Variants in CCDC110 observed in about 807,000 individuals in gnomAD.
The protein encoded by CCDC110 is coiled-coil domain containing 110.
A neutral mutation model predicts 77.1 loss-of-function variants in CCDC110; 70 were observed. The ratio of observed to expected loss-of-function variants is 0.91; its 90% confidence interval spans 0.75 to 1.11. CCDC110 has a LOEUF of 1.11. CCDC110 is among the 50% of genes least tolerant of loss of function. The pLI, the probability that CCDC110 is intolerant of heterozygous loss-of-function variation, is 0.00. For missense variants in CCDC110, 868 were observed against 942.9 expected (o/e 0.92, Z 1.04); for synonymous variants, 295 against 312.5 (o/e 0.94, Z 0.59).
chr4:185,453,813 AT>A (rs58603614), intron 6 of CCDC110, among the ~76,000 whole-genome samples: 75,388 of 126,060 alleles, frequency 0.6, 21,566 homozygotes, highest in East Asian at 0.77. Flanking sequence ...TCTCGTTGCT[AT>A]TTTTTTTTTT....
intron 2 of CCDC110, among the ~76,000 whole-genome samples, chr4:185,465,119 C>T (rs1348873304): frequency 6.6e-6 from 1 of 152,172 alleles, no homozygotes; most frequent in Non-Finnish European, 1.5e-5. Flanking sequence ...AATTTCCACA[C>T]AGCTCTTTAT....
At chr4:185,460,678 G>A (rs1244567549) in intron 5 of CCDC110, among the ~76,000 whole-genome samples, 3 of 152,118 alleles carry the variant, frequency 2.0e-5, no homozygotes, top group East Asian at 3.9e-4. Context: ...GTGTGAGTTC[G>A]AGTCAGTGTG....
chr4:185,453,218 A>T (rs1561153941), intron 6 of CCDC110, among the ~76,000 whole-genome samples: 5 of 152,098 alleles, frequency 3.3e-5, no homozygotes, highest in Non-Finnish European at 7.4e-5. Context: ...CAAACAAACT[A>T]AAACAAAACA....
chr4:185,449,444 G>A (rs1192219150), intron 6 of CCDC110, among the ~76,000 whole-genome samples: 1 of 151,980 alleles, frequency 6.6e-6, no homozygotes, highest in East Asian at 1.9e-4. Flanking sequence ...TTGCCTAAAA[G>A]CCTAGGAGGT....
chr4:185,462,690 C>A lies in CCDC110; in HGVS notation c.190G>T (p.Glu64Ter), dbSNP rs1389887283. The change falls in exon 4 of 7, where the codon GAA becomes TAA. Residue 64 changes from glutamate to a stop codon, truncating the protein, a stop_gained. Transcript: ENST00000307588. LOFTEE classifies it high-confidence loss of function. ...SALKVLQQQLESFQALRMQTL... is the reference protein window; with the variant it reads ...SALKVLQQQL ...TGCATTCGCAAAGCCTGAAATGATT[C>A]CAACTGCTGCTGAAGGACCTATGAC... 1 of 1,613,894 alleles carries A rather than the reference C, an allele frequency of 6.2e-7. No homozygotes were observed. The highest frequency in any genetic ancestry group is 2.2e-5 in the East Asian group (1 of 44,868).
chr4:185,457,799 C>T (rs1296863379), intron 6 of CCDC110: 1 of 1,434,314 alleles, frequency 7.0e-7, no homozygotes, highest in South Asian at 1.4e-5. Context: ...GCAAATGATA[C>T]AGTTTACTTG....
intron 4 of CCDC110, among the ~76,000 whole-genome samples, chr4:185,462,262 G>GT (rs1450919777): frequency 6.6e-6 from 1 of 152,182 alleles, no homozygotes; most frequent in Non-Finnish European, 1.5e-5. Flanking sequence ...ACCTGATCAT[G>GT]TGGACTCAGC....
At chr4:185,466,573 T>A (rs960144441) in intron 2 of CCDC110, among the ~76,000 whole-genome samples, 7 of 149,948 alleles carry the variant, frequency 4.7e-5, no homozygotes, top group Non-Finnish European at 1.0e-4. Context: ...CAAGAGGGAT[T>A]TTTTTTCTTT....
chr4:185,466,024 C>G (rs1279079021), intron 2 of CCDC110, among the ~76,000 whole-genome samples: 1 of 152,016 alleles, frequency 6.6e-6, no homozygotes, highest in Non-Finnish European at 1.5e-5. Context: ...AAGAGATATC[C>G]AATAGTCAGG....
At chr4:185,445,591 A>G (rs753316310) in intron 6 of CCDC110, 49 bp from the exon 7 acceptor site, 4 of 1,169,330 alleles carry the variant, frequency 3.4e-6, no homozygotes, top group East Asian at 4.8e-5. Flanking sequence ...CAACATAACT[A>G]TAATGCTTTG....
intron 2 of CCDC110, among the ~76,000 whole-genome samples, chr4:185,469,561 T>G (rs2095662106): frequency 6.6e-6 from 1 of 152,242 alleles, no homozygotes; most frequent in Non-Finnish European, 1.5e-5. Context: ...CGGAGCTACC[T>G]CAATGTCTCA....
chr4:185,453,263 A>G lies in CCDC110; in HGVS notation c.2461+4863T>C, dbSNP rs115856492. ...AAAAACAACCACTAGATCATTATCC[A>G]TCAAATAATTTGTTGTAAATAAGTT... On this transcript the variant is annotated intron_variant, in intron 6 of 6. Transcript: ENST00000307588. Among the ~76,000 whole-genome samples, 1,354 of 152,310 alleles carry G rather than the reference A, an allele frequency of 8.9e-3. 23 individuals are homozygous for G. The highest frequency in any genetic ancestry group is 0.031 in the African/African-American group (1,287 of 41,572).
rs1331011620 is a variant in CCDC110, at chr4:185,450,507, G to C, written c.2462-4965C>G. 2.0e-5 allele frequency among the ~76,000 whole-genome samples: 3 copies of C among 152,194 alleles called. No individual in the cohort carries two copies. The East Asian group carries it at 5.8e-4, about 29-fold the overall frequency. On this transcript the variant is annotated intron_variant, in intron 6 of 6. Coordinates refer to ENST00000307588, the MANE Select transcript of CCDC110 (RefSeq NM_152775.4). The stretch of plus-strand genomic sequence containing the variant: ...CTCACGCCTGAAATCCCAGCACTTT[G>C]GGAGGCTGAGTCGGGTGGATCACAA...
At chr4:185,448,821 T>G (rs2095622473) in intron 6 of CCDC110, among the ~76,000 whole-genome samples, 1 of 152,154 alleles carries the variant, frequency 6.6e-6, no homozygotes, top group Non-Finnish European at 1.5e-5. Flanking sequence ...TGTGTCCTCT[T>G]CTATCCAGAG....
chr4:185,458,067 G>A (rs1487518586), intron 6 of CCDC110, 59 bp downstream of exon 6: 1 of 1,168,714 alleles, frequency 8.6e-7, no homozygotes, highest in Non-Finnish European at 1.2e-6. Context: ...ACTCTGTAGT[G>A]CCCAATAGGC....
rs982539041 is a variant in CCDC110 at position 185,447,326 on chromosome 4, C to T, written c.2462-1784G>A. 6.3e-4 allele frequency among the ~76,000 whole-genome samples: 96 copies of T among 152,058 alleles called. 1 individual carries two copies. The highest frequency in any genetic ancestry group is 2.1e-3 in the African/African-American group (87 of 41,522). On this transcript the variant is annotated intron_variant, in intron 6 of 6. Transcript: ENST00000307588. ...CCTCCCGAGTAGCTGGGACTACAGG[C>T]GCCCGCCACCACGCCCGGCTAATTT...
rs893281802 is a variant in CCDC110, at chr4:185,452,275, T to G, written c.2461+5851A>C. 6 of 985,348 alleles carry G rather than the reference T, an allele frequency of 6.1e-6. No individual in the cohort carries two copies. In the African/African-American group the frequency reaches 1.0e-4, roughly 17 times the overall value. The allele number at this position is 985,348 out of a possible 1,614,324, so 61.0% of individuals were successfully genotyped here. Reference sequence around the variant, plus strand: ...TGCCTGTATGACTTGGGTAGTTTTCTGCATCCATCGTCAATGAGTAATGGA... The same window carrying G: ...TGCCTGTATGACTTGGGTAGTTTTCGGCATCCATCGTCAATGAGTAATGGA... On this transcript the variant is annotated intron_variant, in intron 6 of 6. Coordinates refer to ENST00000307588, the MANE Select transcript of CCDC110 (RefSeq NM_152775.4).
At chr4:185,460,780 C>T (rs11132308) in intron 5 of CCDC110, 95,168 of 330,022 alleles carry the variant, frequency 0.29, 17,097 homozygotes, top group Non-Finnish European at 0.35. Context: ...GCTATAAAAA[C>T]TGCCTTGCAT....
chr4:185,467,190 G>A (rs1018876694), intron 2 of CCDC110, among the ~76,000 whole-genome samples: 4 of 152,170 alleles, frequency 2.6e-5, no homozygotes, highest in Non-Finnish European at 5.9e-5. Context: ...TTAGATTCAT[G>A]GTATGACTCA....
Sources: gnomAD v4.1 joint callset for allele counts (sites outside exome capture counted in the v4.1 genomes callset) on GRCh38, gnomAD v4.1.1 for gene constraint, MANE v1.5 for transcripts, NCBI Gene and HGNC (gene_info 2026-07-23, HGNC 2026-07-21) for gene names.